The following RAB40B variants were observed in gnomAD, a reference collection of about 807,000 sequenced individuals.
The protein encoded by RAB40B is ras-related protein Rab-40B.
A neutral mutation model predicts 24.0 loss-of-function variants in RAB40B; 21 were observed. That is an observed-to-expected ratio of 0.88 (90% CI 0.62 to 1.26). RAB40B has a LOEUF of 1.26. RAB40B is among the 50% of genes most tolerant of loss of function. The probability of loss-of-function intolerance (pLI) is 0.00; values close to 1 mark genes in which losing one functional copy is unlikely to be tolerated. For missense variants in RAB40B, 348 were observed against 390.5 expected (o/e 0.89, Z 0.92); for synonymous variants, 167 against 169.8 (o/e 0.98, Z 0.13).
At position 82,698,649 on chromosome 17, in the gene RAB40B, G is replaced by C; in HGVS notation, c.-53C>G. 1 of 1,222,638 alleles carries C rather than the reference G, an allele frequency of 8.2e-7. No individual in the cohort carries two copies. The highest frequency in any genetic ancestry group is 1.6e-5 in the African/African-American group (1 of 62,524). The allele number at this position is 1,222,638 out of a possible 1,614,324, so 75.7% of individuals were successfully genotyped here. A position where few individuals can be genotyped will look rare whatever the true frequency, so the allele number is the denominator to read the frequency against. On this transcript the variant is annotated 5_prime_UTR_variant, in exon 1 of 6. Coordinates refer to ENST00000571995, the MANE Select transcript of RAB40B (RefSeq NM_006822.3). ...CCCGGCCTGCGGGGCTGAGCGCAGA[G>C]GCGGCGGCCCGGCCCCGAGAGGCGC...
chr17:82,688,325 T>C (rs1427559816), intron 1 of RAB40B, among the ~76,000 whole-genome samples: 1 of 150,986 alleles, frequency 6.6e-6, no homozygotes, highest in Non-Finnish European at 1.5e-5. Context: ...CTTTTAAAAA[T>C]TGTTTTGGGC....
chr17:82,656,464 A>T lies in RAB40B; in HGVS notation c.*1399T>A, dbSNP rs983811913. The T allele has an allele frequency of 1.1e-4, 16 of 152,156 alleles. No individual in the cohort carries two copies. Among genetic ancestry groups the T allele is most frequent in the African/African-American group, 3.9e-4 (16 of 41,422 alleles). The allele number at this position is 152,156 out of a possible 1,614,324, so 9.4% of individuals were successfully genotyped here. ...GTCAGGGGCTACATCTTCATGCGGA[A>T]TTCCTGACAGCCCCTCGGAGCTCCT... is the stretch of plus-strand genomic sequence containing the variant. On this transcript the variant is annotated 3_prime_UTR_variant, in exon 6 of 6. Transcript: ENST00000571995.
rs2143483957 is a variant in RAB40B, at chr17:82,667,715, A to G, written c.143-3159T>C. On this transcript the variant is annotated intron_variant, in intron 1 of 5. Coordinates refer to ENST00000571995, the MANE Select transcript of RAB40B (RefSeq NM_006822.3). The surrounding 1 kb of genome is among the most constrained non-coding windows in gnomAD (Gnocchi z 4.3). ...AACACCAGAGCAAACTCCCCCCGTC[A>G]GAGGAGAGTGATTCAGAGGACAAAA... Among the ~76,000 whole-genome samples, 1 of 152,256 alleles carries G rather than the reference A, an allele frequency of 6.6e-6. No homozygotes were observed. Among genetic ancestry groups the G allele is most frequent in the South Asian group, 2.1e-4 (1 of 4,820 alleles).
chr17:82,698,694 T>A lies in RAB40B; in HGVS notation c.-98A>T, dbSNP rs1368099728. On this transcript the variant is annotated 5_prime_UTR_variant, in exon 1 of 6. Coordinates refer to ENST00000571995, the MANE Select transcript of RAB40B (RefSeq NM_006822.3). The stretch of plus-strand genomic sequence containing the variant: ...AGGCGCCGCGCGGGCCCCGAGTCCT[T>A]GCTCGCCTCCGGCCCCGCCCCGCCG... 1 of 950,802 alleles carries A rather than the reference T, an allele frequency of 1.1e-6. No individual in the cohort carries two copies. Among genetic ancestry groups the A allele is most frequent in the Non-Finnish European group, 1.3e-6 (1 of 766,026 alleles). The allele number at this position is 950,802 out of a possible 1,614,324, so 58.9% of individuals were successfully genotyped here.
rs746737780 is a variant in RAB40B at position 82,660,974 on chromosome 17, G to T, written c.264+13C>A. 4.3e-6 allele frequency: 7 copies of T among 1,613,110 alleles called. No homozygotes were observed. The highest frequency in any genetic ancestry group is 1.1e-5 in the South Asian group (1 of 90,980). On this transcript the variant is annotated intron_variant, in intron 3 of 5. Coordinates refer to ENST00000571995, the MANE Select transcript of RAB40B (RefSeq NM_006822.3). Reference sequence around the variant, plus strand: ...GTTGGTTTGATCTCCCAGCTCGGGGGATGCTGTGTTACCTGTGCGCCCCGG... The same window carrying T: ...GTTGGTTTGATCTCCCAGCTCGGGGTATGCTGTGTTACCTGTGCGCCCCGG...
At chr17:82,665,513 C>CA (rs2046244456) in intron 1 of RAB40B, among the ~76,000 whole-genome samples, 2 of 152,162 alleles carry the variant, frequency 1.3e-5, no homozygotes, top group Non-Finnish European at 2.9e-5. Flanking sequence ...CTCAGCCTCC[C>CA]AAAGTGCTGG....
intron 1 of RAB40B, among the ~76,000 whole-genome samples, chr17:82,679,559 G>A (rs1033150420): frequency 3.3e-5 from 5 of 152,180 alleles, no homozygotes; most frequent in African/African-American, 1.2e-4. Context: ...TCACAGGTGG[G>A]AGCCACTGCG....
intron 1 of RAB40B, among the ~76,000 whole-genome samples, chr17:82,669,204 G>T (rs956266234): frequency 1.3e-5 from 2 of 152,140 alleles, no homozygotes; most frequent in African/African-American, 4.8e-5. Context: ...GCCTGGGCGC[G>T]GTGGCTCACG....
chr17:82,687,696 G>A (rs1246201631), intron 1 of RAB40B, among the ~76,000 whole-genome samples: 1 of 152,210 alleles, frequency 6.6e-6, no homozygotes. Flanking sequence ...TCCTCGGAGA[G>A]ACTGAGAAGT....
chr17:82,674,647 AAAAAAG>A (rs1441750488), intron 1 of RAB40B, among the ~76,000 whole-genome samples: 52 of 151,836 alleles, frequency 3.4e-4, no homozygotes, highest in African/African-American at 8.9e-4. Context: ...TAAAAAAAAA[AAAAAAG>A]AAAAGAAAAG....
intron 3 of RAB40B, among the ~76,000 whole-genome samples, chr17:82,660,766 C>T (rs1432397036): frequency 6.6e-6 from 1 of 152,258 alleles, no homozygotes; most frequent in Non-Finnish European, 1.5e-5. Context: ...CGTGTACATG[C>T]ACACACAGTC....
At chr17:82,684,238 A>AG (rs71168136) in intron 1 of RAB40B, among the ~76,000 whole-genome samples, 3,248 of 151,002 alleles carry the variant, frequency 0.022, 58 homozygotes, top group Non-Finnish European at 0.036. Context: ...AAAAAAAAAA[A>AG]TTACAATGAG....
chr17:82,689,346 G>A (rs1048979178), intron 1 of RAB40B, among the ~76,000 whole-genome samples: 3 of 152,258 alleles, frequency 2.0e-5, no homozygotes, highest in African/African-American at 4.8e-5. Context: ...GGTGACAGGG[G>A]ACTCAGGGGC....
rs1300949196 is a variant in RAB40B at position 82,655,395 on chromosome 17, CTTTAT to C, written c.*2463_*2467del. The C allele has an allele frequency of 6.6e-6, 1 of 152,158 alleles. No individual in the cohort carries two copies. Among genetic ancestry groups the C allele is most frequent in the African/African-American group, 2.4e-5 (1 of 41,436 alleles). 9.4% of individuals were successfully genotyped at this position (152,158 alleles called of 1,614,324 possible). A position where few individuals can be genotyped will look rare whatever the true frequency, so the allele number is the denominator to read the frequency against. ...CTCTGAGTCACAAAGCCTTGGGAAA[CTTTAT>C]TTTATTCTTTCTAGGACATTATCAG... is the stretch of plus-strand genomic sequence containing the variant. On this transcript the variant is annotated 3_prime_UTR_variant, in exon 6 of 6. Coordinates refer to ENST00000571995, the MANE Select transcript of RAB40B (RefSeq NM_006822.3).
Position 82,655,719 on chromosome 17 carries a change from G to A in RAB40B, c.*2144C>T, listed in dbSNP as rs1442638589. On this transcript the variant is annotated 3_prime_UTR_variant, in exon 6 of 6. Transcript: ENST00000571995. The stretch of plus-strand genomic sequence containing the variant: ...ACAGGTCTTTGCAGCGTGCCTGCAC[G>A]AGGCTGGCCACCCTCTCCAGACACT... The A allele has an allele frequency of 6.6e-6, 1 of 152,236 alleles. No homozygotes were observed. The highest frequency in any genetic ancestry group is 1.5e-5 in the Non-Finnish European group (1 of 68,066). The allele number at this position is 152,236 out of a possible 1,614,324, so 9.4% of individuals were successfully genotyped here.
chr17:82,685,483 G>T (rs1456890103), intron 1 of RAB40B, among the ~76,000 whole-genome samples: 4 of 152,138 alleles, frequency 2.6e-5, no homozygotes, highest in Non-Finnish European at 4.4e-5. Flanking sequence ...TAGCCCGTAG[G>T]GTCCCAAGGA....
chr17:82,664,919 A>C (rs1598298489), intron 1 of RAB40B: 2 of 201,932 alleles, frequency 9.9e-6, no homozygotes, highest in Non-Finnish European at 2.0e-5. Flanking sequence ...TTCCCTCCCC[A>C]CCTCCTCCCC....
chr17:82,681,048 A>AGT (rs2046444975), intron 1 of RAB40B, among the ~76,000 whole-genome samples: 1 of 127,986 alleles, frequency 7.8e-6, no homozygotes, highest in Non-Finnish European at 1.7e-5. Flanking sequence ...AAAAAAAAAA[A>AGT]AAGAAAGAGA....
rs992567318 is a variant in RAB40B, at chr17:82,658,526, C to T, written c.530G>A (p.Arg177Gln). ...FTELARIVLL[R>Q]HGMDRLWRPS... ...CCGCCAGAGCCGGTCCATCCCATGC[C>T]GCAGCAGCACGATCCTGGCCAGCTC... Residue 177 changes from arginine (R) to glutamine (Q), a missense_variant, in exon 5 of 6, where the codon CGG becomes CAG. By Grantham distance (43) the Arg-to-Gln change is conservative. This residue lies in a region of RAB40B where 126 missense variants were observed against 181.0 expected (regional missense o/e 0.70). Transcript: ENST00000571995. The T allele has an allele frequency of 3.7e-6, 6 of 1,612,658 alleles. No homozygotes were observed. Among genetic ancestry groups the T allele is most frequent in the Non-Finnish European group, 5.1e-6 (6 of 1,179,954 alleles).
Sources: gnomAD v4.1 joint callset for allele counts (sites outside exome capture counted in the v4.1 genomes callset) on GRCh38, gnomAD v4.1.1 for gene constraint, gnomAD v4.1.1 regional missense constraint, Gnocchi (gnomAD v3.1) non-coding constraint, MANE v1.5 for transcripts, NCBI Gene and HGNC (gene_info 2026-07-23, HGNC 2026-07-21) for gene names.